NUP50: variants seen among roughly 807,000 people sequenced by gnomAD.
NUP50 encodes the protein nuclear pore complex protein Nup50.
Under a neutral mutation model 36.8 loss-of-function variants are expected in NUP50, and 14 were observed. That is an observed-to-expected ratio of 0.38 (90% CI 0.25 to 0.59). The LOEUF is 0.59. Ranked by LOEUF, NUP50 falls within the 20% of genes least tolerant of loss-of-function variation. The pLI is 0.63. For missense variants in NUP50, 455 were observed against 564.6 expected, an observed-to-expected ratio of 0.81 and a Z score of 1.97; for synonymous variants, 195 against 210.8, an observed-to-expected ratio of 0.93 and a Z score of 0.65.
chr22:45,183,085 C>CGGGGGGGGGGGGGGG (rs60488848), intron 6 of NUP50, among the ~76,000 whole-genome samples: 1 of 114,136 alleles, frequency 8.8e-6, no homozygotes, highest in Non-Finnish European at 1.8e-5. Flanking sequence ...GGGTTGGGGG[C>CGGGGGGGGGGGGGGG]GGGGGGGGGG....
intron 1 of NUP50, 172 bp downstream of exon 1, chr22:45,164,468 G>A: frequency 6.5e-6 from 1 of 153,150 alleles, no homozygotes; most frequent in Non-Finnish European, 1.5e-5. Context: ...CGGGGGACGG[G>A]CCCCTGGGGA....
chr22:45,186,851 T>C lies in NUP50; in HGVS notation c.*2196T>C, dbSNP rs2083452882. ...GGTTGGTCTCCACTTTGATTATTAG[T>C]GTAAAGAGCCTGAGTATACGTGGAT... is the stretch of plus-strand genomic sequence containing the variant. On this transcript the variant is annotated 3_prime_UTR_variant, in exon 8 of 8. Coordinates refer to ENST00000347635, the MANE Select transcript of NUP50 (RefSeq NM_007172.4). 6.6e-6 allele frequency: 1 copy of C among 152,652 alleles called. No individual in the cohort carries two copies. The highest frequency in any genetic ancestry group is 2.4e-5 in the African/African-American group (1 of 41,470). The allele number at this position is 152,652 out of a possible 1,614,324, so 9.5% of individuals were successfully genotyped here.
At position 45,186,646 on chromosome 22, in the gene NUP50, G is replaced by A. The variant is rs2083450331; in HGVS notation, c.*1991G>A. On this transcript the variant is annotated 3_prime_UTR_variant, in exon 8 of 8. Coordinates refer to ENST00000347635, the MANE Select transcript of NUP50 (RefSeq NM_007172.4). Reference sequence around the variant, plus strand: ...TAAACCTGCCCTTCTGTAAAAAATAGTTTATATATTTTTAAATTAGTAGGT... The same window carrying A: ...TAAACCTGCCCTTCTGTAAAAAATAATTTATATATTTTTAAATTAGTAGGT... 1 of 152,590 alleles carries A rather than the reference G, an allele frequency of 6.6e-6. No homozygotes were observed. Among genetic ancestry groups the A allele is most frequent in the South Asian group, 2.1e-4 (1 of 4,832 alleles). The allele number at this position is 152,590 out of a possible 1,614,324, so 9.5% of individuals were successfully genotyped here.
intron 5 of NUP50, among the ~76,000 whole-genome samples, chr22:45,181,066 T>C (rs2074361508): frequency 6.6e-6 from 1 of 151,654 alleles, no homozygotes; most frequent in Admixed American, 6.6e-5. Context: ...TTAAGAGGTA[T>C]GTTCCCATTA....
At chr22:45,175,162 T>C (rs1205118025) in intron 3 of NUP50, among the ~76,000 whole-genome samples, 1 of 152,200 alleles carries the variant, frequency 6.6e-6, no homozygotes, top group Non-Finnish European at 1.5e-5. Context: ...CGAGGAACCT[T>C]TCTCCAAAAG....
chr22:45,171,688 G>A lies in NUP50; in HGVS notation c.153+5G>A. On this transcript the variant is annotated splice_donor_5th_base_variant and intron_variant, in intron 3 of 7. Transcript: ENST00000347635. The stretch of plus-strand genomic sequence containing the variant: ...CGCAGAAATGTTGGATTTGAAGTGA[G>A]TGCCCCCTTACAGCTCTTGCTATTA... The A allele has an allele frequency of 6.2e-7, 1 of 1,612,842 alleles. No homozygotes were observed.
At position 45,185,681 on chromosome 22, in the gene NUP50, T is replaced by G. The variant is rs1284692219; in HGVS notation, c.*1026T>G. On this transcript the variant is annotated 3_prime_UTR_variant, in exon 8 of 8. Transcript: ENST00000347635. ...AGACCGCAGTATATTATAATACATT[T>G]GATATCTGAAATATCTTTACTTTTT... 1 of 152,228 alleles carries G rather than the reference T, an allele frequency of 6.6e-6. No individual in the cohort carries two copies. The highest frequency in any genetic ancestry group is 1.5e-5 in the Non-Finnish European group (1 of 68,040). 9.4% of individuals were successfully genotyped at this position (152,228 alleles called of 1,614,324 possible).
chr22:45,178,821 C>G lies in NUP50; in HGVS notation c.924C>G (p.Thr308=). Residue 308 remains threonine (T), a synonymous_variant, in exon 5 of 8, where the codon ACC becomes ACG. Transcript: ENST00000347635. ...CCAGTTTATTTGGCAAAGATACTAC[C>G]CAGAGTAAACCAGTCTCTTCACCAT... The part of the protein sequence containing the change: ...GNSSLFGKDT[T]QSKPVSSPFP... The G allele has an allele frequency of 1.2e-6, 2 of 1,613,890 alleles. No homozygotes were observed.
At chr22:45,174,649 G>A (rs1270915016) in intron 3 of NUP50, among the ~76,000 whole-genome samples, 1 of 151,234 alleles carries the variant, frequency 6.6e-6, no homozygotes, top group African/African-American at 2.4e-5. Context: ...GCTCTGAAAA[G>A]CCACTTAATG....
chr22:45,183,354 T>C, intron 6 of NUP50, 48 bp from the exon 7 acceptor site: 1 of 1,107,328 alleles, frequency 9.0e-7, no homozygotes, highest in Non-Finnish European at 1.4e-6. Flanking sequence ...ACTGTGTGAC[T>C]TGATTCGTCC....
chr22:45,177,153 G>A (rs939585236), intron 4 of NUP50, among the ~76,000 whole-genome samples: 4 of 152,164 alleles, frequency 2.6e-5, no homozygotes, highest in Admixed American at 6.5e-5. Context: ...GATAGGAAAA[G>A]TGAGTGTTCG....
At chr22:45,172,471 G>C (rs2074210691) in intron 3 of NUP50, among the ~76,000 whole-genome samples, 1 of 152,174 alleles carries the variant, frequency 6.6e-6, no homozygotes, top group South Asian at 2.1e-4. Flanking sequence ...CAAGGAAATA[G>C]TCATTGGAGG....
rs1348868965 is a variant in NUP50 at position 45,186,986 on chromosome 22, T to A, written c.*2331T>A. The A allele has an allele frequency of 1.3e-5, 2 of 152,204 alleles. No homozygotes were observed. Among genetic ancestry groups the A allele is most frequent in the Admixed American group, 1.3e-4 (2 of 15,274 alleles). The allele number at this position is 152,204 out of a possible 1,614,324, so 9.4% of individuals were successfully genotyped here. On this transcript the variant is annotated 3_prime_UTR_variant, in exon 8 of 8. Transcript: ENST00000347635. Reference sequence around the variant, plus strand: ...GGTAATTCTGATTTATGCGTTTAGTTTGACTTATTTTTAACAAAATATTAG... The same window carrying A: ...GGTAATTCTGATTTATGCGTTTAGTATGACTTATTTTTAACAAAATATTAG...
At chr22:45,173,746 G>A (rs1254178618) in intron 3 of NUP50, among the ~76,000 whole-genome samples, 2 of 152,176 alleles carry the variant, frequency 1.3e-5, no homozygotes, top group African/African-American at 4.8e-5. Flanking sequence ...CTGTGCAACC[G>A]AAGGAAGTTC....
intron 2 of NUP50, among the ~76,000 whole-genome samples, chr22:45,168,605 A>C (rs2074132478): frequency 6.6e-6 from 1 of 152,196 alleles, no homozygotes; most frequent in Non-Finnish European, 1.5e-5. Context: ...GGCTGAGTTA[A>C]GTGATGTAGT....
chr22:45,178,206 A>C, intron 4 of NUP50, 32 bp from the exon 5 acceptor site: 1 of 1,577,656 alleles, frequency 6.3e-7, no homozygotes, highest in Non-Finnish European at 8.6e-7. Context: ...AAATTAGGCT[A>C]AATAAATGGT....
Position 45,187,373 on chromosome 22 carries a change from T to G in NUP50, c.*2718T>G, listed in dbSNP as rs909208130. 2.6e-5 allele frequency: 4 copies of G among 152,140 alleles called. No individual in the cohort carries two copies. Among genetic ancestry groups the G allele is most frequent in the Non-Finnish European group, 4.4e-5 (3 of 67,972 alleles). The allele number at this position is 152,140 out of a possible 1,614,324, so 9.4% of individuals were successfully genotyped here. A position where few individuals can be genotyped will look rare whatever the true frequency, so the allele number is the denominator to read the frequency against. ...GATTTTCTTTAAGAGGATTATTCTG[T>G]TTTACAATTTCAATTCTAGATCACA... On this transcript the variant is annotated 3_prime_UTR_variant, in exon 8 of 8. Coordinates refer to ENST00000347635, the MANE Select transcript of NUP50 (RefSeq NM_007172.4).
chr22:45,171,727 T>C (rs777614242), intron 3 of NUP50, 44 bp downstream of exon 3: 2 of 1,522,914 alleles, frequency 1.3e-6, no homozygotes, highest in South Asian at 1.1e-5. Flanking sequence ...ACTCATTTGA[T>C]TTCTGGGTTG....
chr22:45,177,140 TTAGA>T (rs369929325), intron 4 of NUP50, among the ~76,000 whole-genome samples: 7 of 152,276 alleles, frequency 4.6e-5, no homozygotes, highest in African/African-American at 1.2e-4. Flanking sequence ...AGCATAACTC[TTAGA>T]TAGGAAAAGT....
Sources: allele counts gnomAD v4.1 joint callset (sites outside exome capture counted in the v4.1 genomes callset), GRCh38; gene constraint gnomAD v4.1.1; transcripts MANE v1.5; gene names NCBI Gene and HGNC (gene_info 2026-07-23, HGNC 2026-07-21).